Variants in CPED1 observed in about 807,000 individuals in gnomAD.
CPED1 encodes the protein cadherin-like and PC-esterase domain-containing protein 1.
A neutral mutation model predicts 128.2 loss-of-function variants in CPED1; 114 were observed. The ratio of observed to expected loss-of-function variants is 0.89; its 90% CI spans 0.76 to 1.04. The LOEUF is 1.04. CPED1 is among the 50% of genes least tolerant of loss of function. The pLI, the probability that CPED1 is intolerant of heterozygous loss-of-function variation, is 0.00. For synonymous variants in CPED1, 462 were observed against 426.7 expected (o/e 1.08, Z -1.02); for missense variants, 1,211 against 1,207.1 (o/e 1.00, Z -0.05).
At chr7:121,232,485 A>C (rs2116654317) in intron 16 of CPED1, among the ~76,000 whole-genome samples, 1 of 152,254 alleles carries the variant, frequency 6.6e-6, no homozygotes, top group South Asian at 2.1e-4. Context: ...CAAGAGAACC[A>C]GCAGATGCCT....
intron 22 of CPED1, among the ~76,000 whole-genome samples, chr7:121,291,059 A>G (rs1011047880): frequency 6.6e-6 from 1 of 152,220 alleles, no homozygotes; most frequent in Non-Finnish European, 1.5e-5. Flanking sequence ...TGAAATAGGG[A>G]ATCCTTTCCC....
intron 11 of CPED1, among the ~76,000 whole-genome samples, 200 bp downstream of exon 11, chr7:121,128,686 A>C (rs1421534282): frequency 6.6e-6 from 1 of 152,192 alleles, no homozygotes; most frequent in Non-Finnish European, 1.5e-5. Flanking sequence ...TTTGCAAACA[A>C]TATGTGACTT....
At chr7:121,253,189 A>G (rs1798725166) in intron 18 of CPED1, among the ~76,000 whole-genome samples, 1 of 151,608 alleles carries the variant, frequency 6.6e-6, no homozygotes, top group African/African-American at 2.4e-5. Context: ...GGAAACCATC[A>G]TTCTCAGCAA....
rs190293018 is a variant in CPED1 at position 121,287,729 on chromosome 7, A to G, written c.2869-7711A>G. On this transcript the variant is annotated intron_variant, in intron 22 of 22. Transcript: ENST00000310396. The stretch of plus-strand genomic sequence containing the variant: ...TTCCCCCAAATTCTTCTGCGATTAC[A>G]ATTGGAATGGCATTTTAATTAACTC... 2.0e-5 allele frequency among the ~76,000 whole-genome samples: 3 copies of G among 152,168 alleles called. No individual in the cohort carries two copies. The East Asian group carries it at 5.8e-4, about 29-fold the overall frequency.
At chr7:121,177,029 A>G (rs1210849951) in intron 16 of CPED1, among the ~76,000 whole-genome samples, 1 of 152,046 alleles carries the variant, frequency 6.6e-6, no homozygotes, top group Admixed American at 6.6e-5. Context: ...GCAAAAAGAG[A>G]CTTGCTTCAA....
At chr7:121,273,265 G>A (rs985867249) in intron 22 of CPED1, among the ~76,000 whole-genome samples, 6 of 152,042 alleles carry the variant, frequency 3.9e-5, no homozygotes, top group African/African-American at 1.4e-4. Context: ...GCTCACACCT[G>A]TAATCTCAGC....
chr7:121,237,216 G>A (rs1224012921), intron 17 of CPED1, among the ~76,000 whole-genome samples: 1 of 152,120 alleles, frequency 6.6e-6, no homozygotes, highest in African/African-American at 2.4e-5. Context: ...TTTAATGTCA[G>A]TTTTCCCAGG....
chr7:121,045,613 A>G (rs1038603188), intron 3 of CPED1, among the ~76,000 whole-genome samples: 3 of 152,162 alleles, frequency 2.0e-5, no homozygotes, highest in African/African-American at 7.2e-5. Context: ...GAAGTTGGTT[A>G]CTTTGTAGCC....
At chr7:121,082,618 A>G (rs1794321365) in intron 5 of CPED1, among the ~76,000 whole-genome samples, 2 of 152,234 alleles carry the variant, frequency 1.3e-5, no homozygotes. Flanking sequence ...GGCACTTTAT[A>G]CACTTCTGTC....
intron 4 of CPED1, among the ~76,000 whole-genome samples, chr7:121,052,678 A>G (rs79847834): frequency 0.021 from 3,159 of 152,222 alleles, 106 homozygotes; most frequent in African/African-American, 0.069. Context: ...AGGAAATTAT[A>G]AAGTACAGCG....
Position 121,129,290 on chromosome 7 carries a change from TATATATATATATATATATATAC to T in CPED1, c.1407+805_1408-813del, listed in dbSNP as rs1225349954. ...GTATATGTGTGTGTGTATATATGTA[TATATATATATATATATATATAC>T]GTATATATATATATATATATATACG... On this transcript the variant is annotated intron_variant, in intron 11 of 22. Transcript: ENST00000310396. Among the ~76,000 whole-genome samples, 6 of 7,610 alleles carry T rather than the reference TATATATATATATATATATATAC, an allele frequency of 7.9e-4. No homozygotes were observed. In the South Asian group the frequency reaches 0.015, roughly 19 times the overall value. 5.0% of individuals were successfully genotyped at this position (7,610 alleles called of 152,430 possible). A position where few individuals can be genotyped will look rare whatever the true frequency, so the allele number is the denominator to read the frequency against.
intron 14 of CPED1, among the ~76,000 whole-genome samples, chr7:121,137,738 A>T (rs753557891): frequency 9.9e-5 from 15 of 152,088 alleles, no homozygotes; most frequent in Non-Finnish European, 2.1e-4. Flanking sequence ...TCCTACCCCC[A>T]GAAAAATACA....
intron 16 of CPED1, among the ~76,000 whole-genome samples, chr7:121,173,951 T>A (rs979450121): frequency 2.0e-5 from 3 of 152,148 alleles, no homozygotes; most frequent in Non-Finnish European, 4.4e-5. Flanking sequence ...AGTATCTCAT[T>A]GTGGTTTTGA....
At chr7:121,025,661 A>G (rs976109874) in intron 3 of CPED1, among the ~76,000 whole-genome samples, 8 of 152,004 alleles carry the variant, frequency 5.3e-5, no homozygotes, top group African/African-American at 1.7e-4. Context: ...TGCATCTCCC[A>G]TCTTTCAACC....
At chr7:121,060,784 C>G (rs937167021) in intron 4 of CPED1, among the ~76,000 whole-genome samples, 1 of 152,148 alleles carries the variant, frequency 6.6e-6, no homozygotes, top group African/African-American at 2.4e-5. Flanking sequence ...AGTGGCAACC[C>G]GCTCCGGTCC....
At chr7:121,156,320 A>G (rs1796280944) in intron 16 of CPED1, among the ~76,000 whole-genome samples, 1 of 118,922 alleles carries the variant, frequency 8.4e-6, no homozygotes, top group East Asian at 6.7e-4. Flanking sequence ...CAGATGATCC[A>G]TCAGCCCACT....
chr7:121,008,943 C>A (rs760393949), intron 2 of CPED1, among the ~76,000 whole-genome samples: 6 of 152,228 alleles, frequency 3.9e-5, no homozygotes, highest in Non-Finnish European at 7.3e-5. Flanking sequence ...ATCTGTCCCA[C>A]TGGGTGCTTT....
chr7:121,070,054 CAT>C (rs1445771640), intron 5 of CPED1, among the ~76,000 whole-genome samples: 1 of 151,726 alleles, frequency 6.6e-6, no homozygotes, highest in East Asian at 1.9e-4. Context: ...TTAAAAGTAA[CAT>C]GTGAGTATAT....
intron 3 of CPED1, among the ~76,000 whole-genome samples, chr7:121,025,165 A>G (rs1041787256): frequency 1.3e-5 from 2 of 151,972 alleles, no homozygotes; most frequent in African/African-American, 4.8e-5. Flanking sequence ...CATCTTTTTT[A>G]GCTGAAGTTG....
Sources: gnomAD v4.1 joint callset for allele counts (sites outside exome capture counted in the v4.1 genomes callset) on GRCh38, gnomAD v4.1.1 for gene constraint, MANE v1.5 for transcripts, NCBI Gene and HGNC (gene_info 2026-07-23, HGNC 2026-07-21) for gene names.